TMEM220: variants seen among roughly 807,000 people sequenced by gnomAD.
TMEM220 encodes the protein transmembrane protein 220.
TMEM220 carries 21 observed loss-of-function variants against 21.7 expected under a neutral mutation model. The ratio of observed to expected loss-of-function variants is 0.97; its 90% CI spans 0.69 to 1.39. TMEM220 has a LOEUF of 1.39. TMEM220 is among the 40% of genes most tolerant of loss of function. TMEM220 has a pLI of 0.00. For synonymous variants in TMEM220, 80 were observed against 73.6 expected, an observed-to-expected ratio of 1.09 and a Z score of -0.45; for missense variants, 191 against 201.9, an observed-to-expected ratio of 0.95 and a Z score of 0.33.
intron 5 of TMEM220, chr17:10,716,003 C>T (rs1597523354): frequency 2.1e-6 from 1 of 479,096 alleles, no homozygotes; most frequent in South Asian, 2.0e-5. Flanking sequence ...ACTGCCCTGA[C>T]ACAAAATGTT....
chr17:10,717,862 C>T (rs2074941149), intron 5 of TMEM220, among the ~76,000 whole-genome samples: 1 of 151,426 alleles, frequency 6.6e-6, no homozygotes, highest in South Asian at 2.1e-4. Flanking sequence ...TCATTCTTGT[C>T]ACCCAGGCTG....
intron 3 of TMEM220, among the ~76,000 whole-genome samples, 200 bp from the exon 4 acceptor site, chr17:10,725,334 G>A (rs529618040): frequency 6.6e-6 from 1 of 152,258 alleles, no homozygotes; most frequent in African/African-American, 2.4e-5. Context: ...TCTTGTTTGG[G>A]TTGTTCAGCA....
chr17:10,722,871 T>C lies in TMEM220; in HGVS notation c.347+399A>G, dbSNP rs561927596. ...TGACCAGGATACTTTAAATCAACTA[T>C]TATTAACTTCCCTTAAGAAAAGGGA... is the stretch of plus-strand genomic sequence containing the variant. On this transcript the variant is annotated intron_variant, in intron 5 of 5. Transcript: ENST00000341871. Among the ~76,000 whole-genome samples the C allele has an allele frequency of 1.6e-4, 25 of 152,288 alleles. No homozygotes were observed. The South Asian group carries it at 2.3e-3, about 14-fold the overall frequency.
chr17:10,717,359 T>G (rs1328778267), intron 5 of TMEM220, among the ~76,000 whole-genome samples: 1 of 152,242 alleles, frequency 6.6e-6, no homozygotes, highest in East Asian at 1.9e-4. Context: ...TACGCCCATT[T>G]TCTAAGAGCT....
At chr17:10,720,605 T>C (rs1380233370) in intron 5 of TMEM220, among the ~76,000 whole-genome samples, 2 of 152,164 alleles carry the variant, frequency 1.3e-5, no homozygotes, top group Non-Finnish European at 2.9e-5. Context: ...ATATATCTTA[T>C]TTTATAGATT....
chr17:10,712,396 A>G (rs1010206683), downstream of TMEM220, among the ~76,000 whole-genome samples: 4 of 152,180 alleles, frequency 2.6e-5, no homozygotes, highest in Admixed American at 6.6e-5. Flanking sequence ...CACATCTGCA[A>G]AATTTATTTT....
At chr17:10,726,335 A>C (rs1174529889) in intron 2 of TMEM220, 71 bp from the exon 3 acceptor site, 1 of 1,262,052 alleles carries the variant, frequency 7.9e-7, no homozygotes, top group South Asian at 1.2e-5. Context: ...TCAGAGATAC[A>C]GGAAGTAAAG....
At chr17:10,720,767 A>C (rs1446782338) in intron 5 of TMEM220, among the ~76,000 whole-genome samples, 2 of 152,212 alleles carry the variant, frequency 1.3e-5, no homozygotes, top group African/African-American at 4.8e-5. Context: ...TTGAGTGTAC[A>C]TCCCTTAGTA....
At chr17:10,723,429 G>T in intron 4 of TMEM220, 100 bp from the exon 5 acceptor site, 1 of 828,378 alleles carries the variant, frequency 1.2e-6, no homozygotes. Context: ...TTCTGATTGA[G>T]TGACTGACTC....
At chr17:10,719,377 C>T (rs372201737) in intron 5 of TMEM220, among the ~76,000 whole-genome samples, 18 of 152,256 alleles carry the variant, frequency 1.2e-4, no homozygotes, top group Admixed American at 3.3e-4. Flanking sequence ...CCCGGTTTCT[C>T]CTGCCTCAGC....
At chr17:10,712,049 T>C (rs968259338), downstream of TMEM220, among the ~76,000 whole-genome samples, 1 of 152,220 alleles carries the variant, frequency 6.6e-6, no homozygotes, top group Non-Finnish European at 1.5e-5. Flanking sequence ...AACCAACATA[T>C]ACTTGTTCTC....
chr17:10,715,788 C>CT, intron 5 of TMEM220, among the ~76,000 whole-genome samples, 200 bp from the exon 6 acceptor site: 1 of 152,018 alleles, frequency 6.6e-6, no homozygotes, highest in Middle Eastern at 3.4e-3. Context: ...TTACAAATAC[C>CT]TTGTCCCATT....
At position 10,729,774 on chromosome 17, in the gene TMEM220, C is replaced by T. The variant is rs1272522334; in HGVS notation, c.72+6G>A. On this transcript the variant is annotated splice_donor_region_variant and intron_variant, in intron 1 of 5. Transcript: ENST00000341871. ...GCGGGTCCCCCTCCCACCGCGGCCG[C>T]CTGACCTGCACCAAGGCCGCCAGCG... 7.2e-7 allele frequency: 1 copy of T among 1,393,144 alleles called. No homozygotes were observed. The highest frequency in any genetic ancestry group is 9.4e-7 in the Non-Finnish European group (1 of 1,067,114). 86.3% of individuals were successfully genotyped at this position (1,393,144 alleles called of 1,614,324 possible).
chr17:10,724,906 TG>T, intron 4 of TMEM220, 104 bp downstream of exon 4: 1 of 1,489,820 alleles, frequency 6.7e-7, no homozygotes, highest in Non-Finnish European at 9.3e-7. Context: ...CAGGGTACAC[TG>T]GGGGAATTCA....
chr17:10,728,944 G>A (rs1190411001), intron 2 of TMEM220, 87 bp downstream of exon 2: 1 of 1,389,898 alleles, frequency 7.2e-7, no homozygotes, highest in Non-Finnish European at 1.0e-6. Flanking sequence ...TAAGCAGGGA[G>A]GAGGGGTAAA....
chr17:10,728,965 CGT>C (rs1242262400), intron 2 of TMEM220, 64 bp downstream of exon 2: 1 of 1,542,890 alleles, frequency 6.5e-7, no homozygotes, highest in African/African-American at 1.4e-5. Context: ...GACATAAAAC[CGT>C]GTGTTTTGTG....
intron 5 of TMEM220, among the ~76,000 whole-genome samples, chr17:10,720,532 T>A (rs939381594): frequency 5.9e-5 from 9 of 151,856 alleles, no homozygotes; most frequent in African/African-American, 2.2e-4. Context: ...ACTGAAAAAA[T>A]TTTCCCCCAT....
Position 10,715,551 on chromosome 17 carries a change from T to C in TMEM220, c.385A>G (p.Ile129Val). 2 of 1,602,260 alleles carry C rather than the reference T, an allele frequency of 1.2e-6. No individual in the cohort carries two copies. Among genetic ancestry groups the C allele is most frequent in the Non-Finnish European group, 8.5e-7 (1 of 1,177,432 alleles). The change falls in exon 6 of 6, where the codon ATT (isoleucine) becomes GTT (valine). Residue 129 changes from isoleucine to valine, a missense_variant. Physicochemically the swap from Ile to Val is conservative, Grantham distance 29. Coordinates refer to ENST00000341871, the MANE Select transcript of TMEM220 (RefSeq NM_001004313.3). ...ATAAATGGGAAAAGTGTGATTACAA[T>C]GGCAATAGCCAATTGAATTCTTCCA... ...VGGRIQLAIA[I>V]VITLFPFISW...
intron 1 of TMEM220, 33 bp downstream of exon 1, chr17:10,729,747 G>A (rs750022107): frequency 8.8e-5 from 117 of 1,332,226 alleles, no homozygotes; most frequent in Middle Eastern, 5.6e-4. Context: ...GCTGGGAGCC[G>A]GGCGGGTCCC....
Sources: allele counts gnomAD v4.1 joint callset (sites outside exome capture counted in the v4.1 genomes callset), GRCh38; gene constraint gnomAD v4.1.1; transcripts MANE v1.5; gene names NCBI Gene and HGNC (gene_info 2026-07-23, HGNC 2026-07-21).